The following RPS6KA5 variants were observed in gnomAD, a reference collection of about 807,000 sequenced individuals.
RPS6KA5 encodes the protein ribosomal protein S6 kinase alpha-5.
RPS6KA5 carries 27 observed loss-of-function variants against 85.5 expected under a neutral mutation model. That is an observed-to-expected ratio of 0.32 (90% CI 0.23 to 0.44). The LOEUF is 0.44. RPS6KA5 is among the 20% of genes least tolerant of loss of function. The probability of loss-of-function intolerance (pLI) is 1.00; values close to 1 mark genes in which losing one functional copy is unlikely to be tolerated. For synonymous variants in RPS6KA5, 334 were observed against 348.2 expected (o/e 0.96, Z 0.46); for missense variants, 811 against 980.9 (o/e 0.83, Z 2.31).
At chr14:90,890,248 T>C (rs964040301) in intron 14 of RPS6KA5, among the ~76,000 whole-genome samples, 1 of 152,208 alleles carries the variant, frequency 6.6e-6, no homozygotes, top group South Asian at 2.1e-4. Context: ...CTCTCATTGA[T>C]ATAAAACACA....
rs189357346 is a variant in RPS6KA5 at position 90,939,619 on chromosome 14, A to G, written c.618+3459T>C. On this transcript the variant is annotated intron_variant, in intron 5 of 16. Coordinates refer to ENST00000614987, the MANE Select transcript of RPS6KA5 (RefSeq NM_004755.4). ...TCATGTCTTACATGGATAGCAGGAG[A>G]CAAAGAGAGAGAGAACTTGTTGCAG... Among the ~76,000 whole-genome samples, 59 of 152,322 alleles carry G rather than the reference A, an allele frequency of 3.9e-4. 1 individual carries two copies. Among genetic ancestry groups the G allele is most frequent in the African/African-American group, 1.3e-3 (54 of 41,568 alleles).
intron 1 of RPS6KA5, among the ~76,000 whole-genome samples, chr14:91,053,409 G>A (rs553718217): frequency 2.6e-5 from 4 of 152,278 alleles, no homozygotes; most frequent in African/African-American, 9.6e-5. Context: ...AAAGAAAGAA[G>A]TAAAATTATC....
At chr14:91,001,872 T>C (rs982778256) in intron 1 of RPS6KA5, among the ~76,000 whole-genome samples, 4 of 152,244 alleles carry the variant, frequency 2.6e-5, no homozygotes, top group Non-Finnish European at 5.9e-5. Flanking sequence ...TAGGGGGAGA[T>C]GTGGGGAGCA....
intron 7 of RPS6KA5, among the ~76,000 whole-genome samples, chr14:90,918,117 A>G (rs923117586): frequency 2.6e-5 from 4 of 152,188 alleles, no homozygotes; most frequent in African/African-American, 7.2e-5. Flanking sequence ...CCTATTTTCC[A>G]AAGTTTTTGT....
intron 2 of RPS6KA5, among the ~76,000 whole-genome samples, chr14:90,978,866 C>T (rs2039677403): frequency 1.3e-5 from 2 of 152,194 alleles, no homozygotes; most frequent in Non-Finnish European, 2.9e-5. Context: ...ACATTTTAGA[C>T]ATCAGATAAA....
In RPS6KA5 at chr14:90,926,038, C is replaced by T. The variant is rs553861980; in HGVS notation, c.619-2842G>A. Among the ~76,000 whole-genome samples, 26 of 150,896 alleles carry T rather than the reference C, an allele frequency of 1.7e-4. No individual in the cohort carries two copies. The South Asian group carries it at 3.3e-3, about 19-fold the overall frequency. Reference sequence around the variant, plus strand: ...GAGGCAATAAAAAAGGCAGACTAAACGTATTAGACACAGCTGAAGAAAGAC... The same window carrying T: ...GAGGCAATAAAAAAGGCAGACTAAATGTATTAGACACAGCTGAAGAAAGAC... On this transcript the variant is annotated intron_variant, in intron 5 of 16. Coordinates refer to ENST00000614987, the MANE Select transcript of RPS6KA5 (RefSeq NM_004755.4).
At chr14:90,931,787 T>C (rs2036995412) in intron 5 of RPS6KA5, among the ~76,000 whole-genome samples, 1 of 152,186 alleles carries the variant, frequency 6.6e-6, no homozygotes, top group Non-Finnish European at 1.5e-5. Flanking sequence ...AACCTAAATG[T>C]ACCTCAGTAG....
At chr14:91,026,395 TA>T (rs2041992203) in intron 1 of RPS6KA5, among the ~76,000 whole-genome samples, 1 of 152,020 alleles carries the variant, frequency 6.6e-6, no homozygotes, top group Non-Finnish European at 1.5e-5. Flanking sequence ...CATACCTAGC[TA>T]ATTTTTTTTT....
At chr14:90,899,235 C>T in intron 12 of RPS6KA5, 94 bp downstream of exon 12, 2 of 841,850 alleles carry the variant, frequency 2.4e-6, no homozygotes, top group East Asian at 2.5e-5. Context: ...ATATCCCTGA[C>T]TCTGACCCAG....
At chr14:91,014,450 C>T (rs2041394499) in intron 1 of RPS6KA5, among the ~76,000 whole-genome samples, 1 of 145,578 alleles carries the variant, frequency 6.9e-6, no homozygotes, top group Non-Finnish European at 1.5e-5. Context: ...TGCAGTGAGC[C>T]GAGATCACAC....
intron 2 of RPS6KA5, 54 bp from the exon 3 acceptor site, chr14:90,978,578 G>T: frequency 7.6e-7 from 1 of 1,322,374 alleles, no homozygotes; most frequent in Non-Finnish European, 1.0e-6. Flanking sequence ...AGGCAAAATG[G>T]TAATTTAGTG....
intron 4 of RPS6KA5, among the ~76,000 whole-genome samples, 178 bp downstream of exon 4, chr14:90,947,257 T>C (rs2037919659): frequency 6.6e-6 from 1 of 152,174 alleles, no homozygotes; most frequent in South Asian, 2.1e-4. Context: ...CAAGTACAAT[T>C]GGAAAGTAGA....
intron 14 of RPS6KA5, among the ~76,000 whole-genome samples, chr14:90,882,480 A>G (rs2033903698): frequency 6.6e-6 from 1 of 152,206 alleles, no homozygotes. Context: ...TTATTTCTTC[A>G]TAAGGCTTTG....
chr14:90,916,837 TTCTC>T (rs1421770567), intron 7 of RPS6KA5, among the ~76,000 whole-genome samples: 2 of 152,252 alleles, frequency 1.3e-5, no homozygotes, highest in Non-Finnish European at 2.9e-5. Context: ...CAGGCTCTCT[TTCTC>T]TTTCTAAAAC....
At chr14:90,960,016 T>C (rs971666398) in intron 3 of RPS6KA5, among the ~76,000 whole-genome samples, 1 of 152,208 alleles carries the variant, frequency 6.6e-6, no homozygotes, top group Non-Finnish European at 1.5e-5. Context: ...ATGCCCAGCA[T>C]GCCCACCAGT....
intron 14 of RPS6KA5, among the ~76,000 whole-genome samples, chr14:90,889,107 A>G (rs1362553904): frequency 6.6e-6 from 1 of 152,062 alleles, no homozygotes; most frequent in Non-Finnish European, 1.5e-5. Flanking sequence ...CAGCCTGACC[A>G]ACATGGTAAA....
At chr14:90,902,044 G>A (rs1313134446) in intron 9 of RPS6KA5, among the ~76,000 whole-genome samples, 2 of 150,820 alleles carry the variant, frequency 1.3e-5, no homozygotes, top group Non-Finnish European at 2.9e-5. Flanking sequence ...GGTGGGTGTG[G>A]TGGCATGCAC....
At chr14:90,879,629 G>A (rs761486167) in intron 14 of RPS6KA5, among the ~76,000 whole-genome samples, 4 of 152,148 alleles carry the variant, frequency 2.6e-5, no homozygotes, top group Admixed American at 6.5e-5. Context: ...GTGATGACAC[G>A]TGGCCAGCCC....
intron 7 of RPS6KA5, among the ~76,000 whole-genome samples, chr14:90,918,697 G>C (rs1014777311): frequency 3.3e-5 from 5 of 152,074 alleles, no homozygotes; most frequent in Non-Finnish European, 4.4e-5. Context: ...TTTCTATATG[G>C]TATGAAGTAT....
Sources: allele counts gnomAD v4.1 joint callset (sites outside exome capture counted in the v4.1 genomes callset), GRCh38; gene constraint gnomAD v4.1.1; transcripts MANE v1.5; gene names NCBI Gene and HGNC (gene_info 2026-07-23, HGNC 2026-07-21).